The following NR1D2 variants were observed in gnomAD, a reference collection of about 807,000 sequenced individuals.
The protein encoded by NR1D2 is V-erbA-related protein 1-related.
In NR1D2, 25 loss-of-function variants were observed where a neutral mutation model predicts 52.2. The observed-to-expected ratio is 0.48, with a 90% CI of 0.35 to 0.67. The LOEUF is 0.67. Ranked by LOEUF, NR1D2 falls within the 30% of genes least tolerant of loss-of-function variation. The pLI, the probability that NR1D2 is intolerant of heterozygous loss-of-function variation, is 0.01. For synonymous variants in NR1D2, 259 were observed against 230.1 expected, an observed-to-expected ratio of 1.13 and a Z score of -1.14; for missense variants, 681 against 707.2, an observed-to-expected ratio of 0.96 and a Z score of 0.42.
At chr3:23,947,014 T>G (rs1488819448) in intron 1 of NR1D2, among the ~76,000 whole-genome samples, 1 of 152,250 alleles carries the variant, frequency 6.6e-6, no homozygotes, top group Non-Finnish European at 1.5e-5. Flanking sequence ...TTTACGTATT[T>G]TTAGAATTTA....
chr3:23,968,407 A>G (rs1706506214), intron 7 of NR1D2, among the ~76,000 whole-genome samples: 1 of 152,256 alleles, frequency 6.6e-6, no homozygotes, highest in Non-Finnish European at 1.5e-5. Context: ...GAAAACATTA[A>G]AAGTATCAAG....
chr3:23,958,513 T>C (rs936986073), intron 3 of NR1D2, among the ~76,000 whole-genome samples: 17 of 151,942 alleles, frequency 1.1e-4, no homozygotes, highest in African/African-American at 4.1e-4. Context: ...TGGTAGCACA[T>C]GTCTGTAGTC....
At chr3:23,970,408 A>G (rs975703742) in intron 7 of NR1D2, among the ~76,000 whole-genome samples, 1 of 152,184 alleles carries the variant, frequency 6.6e-6, no homozygotes, top group Non-Finnish European at 1.5e-5. Flanking sequence ...GTTTTTGAAA[A>G]AGCCTTTTTT....
intron 2 of NR1D2, 77 bp downstream of exon 2, chr3:23,954,880 T>G (rs4858095): frequency 0.75 from 1,004,283 of 1,345,468 alleles, 376,898 homozygotes; most frequent in South Asian, 0.83. Flanking sequence ...TTCATTTAGG[T>G]GGCCATTATG....
intron 3 of NR1D2, among the ~76,000 whole-genome samples, chr3:23,959,333 A>G (rs1253496664): frequency 6.6e-6 from 1 of 151,938 alleles, no homozygotes; most frequent in Non-Finnish European, 1.5e-5. Context: ...GAATAAAAGT[A>G]TGAGATGGAA....
At position 23,947,137 on chromosome 3, in the gene NR1D2, T is replaced by C. The variant is rs539176616; in HGVS notation, c.16+1543T>C. Among the ~76,000 whole-genome samples, 11 of 152,342 alleles carry C rather than the reference T, an allele frequency of 7.2e-5. 1 individual carries two copies. The highest frequency in any genetic ancestry group is 7.2e-4 in the Admixed American group (11 of 15,298). On this transcript the variant is annotated intron_variant, in intron 1 of 7. Transcript: ENST00000312521. ...TTTTTAAAATTTTATGAGTTTATCATAGAATTAAACTTCTACATGTTAGAA... is the reference window on the plus strand; with the variant it reads ...TTTTTAAAATTTTATGAGTTTATCACAGAATTAAACTTCTACATGTTAGAA...
chr3:23,977,752 A>G lies in NR1D2; in HGVS notation c.*333A>G, dbSNP rs1706772248. On this transcript the variant is annotated 3_prime_UTR_variant, in exon 8 of 8. Transcript: ENST00000312521. ...CCCTGTGGTTATCAATATAACGCAC[A>G]ATCACAAGTGTATGAGGACTTAGAA... 5.8e-6 allele frequency: 1 copy of G among 171,486 alleles called. No individual in the cohort carries two copies. The highest frequency in any genetic ancestry group is 1.2e-5 in the Non-Finnish European group (1 of 80,900). 10.6% of individuals were successfully genotyped at this position (171,486 alleles called of 1,614,324 possible). A position where few individuals can be genotyped will look rare whatever the true frequency, so the allele number is the denominator to read the frequency against.
At chr3:23,953,272 G>A (rs1349891188) in intron 1 of NR1D2, among the ~76,000 whole-genome samples, 10 of 148,636 alleles carry the variant, frequency 6.7e-5, no homozygotes, top group African/African-American at 2.5e-4. Flanking sequence ...GGACCCAGGA[G>A]GTGGAGGTTG....
intron 6 of NR1D2, among the ~76,000 whole-genome samples, chr3:23,967,505 A>G (rs1422913277): frequency 1.3e-5 from 2 of 152,074 alleles, no homozygotes; most frequent in East Asian, 3.9e-4. Context: ...AATCCCAGCT[A>G]CTTGGGAGGC....
At chr3:23,958,013 ATTCTTGAGTT>A (rs941490426) in intron 3 of NR1D2, among the ~76,000 whole-genome samples, 4 of 152,252 alleles carry the variant, frequency 2.6e-5, no homozygotes, top group Admixed American at 2.6e-4. Flanking sequence ...CAGTAATTGC[ATTCTTGAGTT>A]TTCTGTCCTC....
chr3:23,956,609 A>G lies in NR1D2; in HGVS notation c.372+484A>G, dbSNP rs72627102. 3.5e-3 allele frequency among the ~76,000 whole-genome samples: 538 copies of G among 152,382 alleles called. 14 individuals are homozygous for G. The East Asian group carries it at 0.051, about 14-fold the overall frequency. ...ACTTGAAAAAAATGTGGTATCTTAA[A>G]AAATAATGCCAAGTGAGTAAAATAA... On this transcript the variant is annotated intron_variant, in intron 3 of 7. Transcript: ENST00000312521.
intron 7 of NR1D2, among the ~76,000 whole-genome samples, chr3:23,974,088 C>CTTTTTTTTTTTTTTTTTTTTTTTTTTT (rs60587118): frequency 1.3e-5 from 1 of 79,508 alleles, no homozygotes; most frequent in East Asian, 3.9e-4. Context: ...TTACAGTTAC[C>CTTTTTTTTTTTTTTTTTTTTTTTTTTT]TTTTTTTTTT....
intron 7 of NR1D2, among the ~76,000 whole-genome samples, chr3:23,970,319 G>T (rs1706552711): frequency 6.6e-6 from 1 of 152,146 alleles, no homozygotes; most frequent in African/African-American, 2.4e-5. Flanking sequence ...ATGGCAAAGG[G>T]GTAGAGGGAA....
chr3:23,964,944 T>C (rs1470075023), intron 5 of NR1D2, 33 bp from the exon 6 acceptor site: 1 of 1,394,812 alleles, frequency 7.2e-7, no homozygotes, highest in Non-Finnish European at 9.9e-7. Flanking sequence ...CACCTCTTAG[T>C]ATTTAAGAGT....
intron 7 of NR1D2, among the ~76,000 whole-genome samples, chr3:23,974,793 C>T (rs1706680577): frequency 6.6e-6 from 1 of 151,828 alleles, no homozygotes. Flanking sequence ...GTGACCCTCC[C>T]CCTACCCCCA....
chr3:23,946,246 T>C (rs1399045159), intron 1 of NR1D2: 10 of 985,280 alleles, frequency 1.0e-5, no homozygotes, highest in Non-Finnish European at 1.2e-5. Flanking sequence ...GCACGCTCTT[T>C]TCGCGAGGTG....
At chr3:23,949,488 G>T (rs1051360301) in intron 1 of NR1D2, among the ~76,000 whole-genome samples, 3 of 152,134 alleles carry the variant, frequency 2.0e-5, no homozygotes, top group Admixed American at 2.0e-4. Context: ...GGATGTGTTT[G>T]CCCCTATTGA....
intron 7 of NR1D2, among the ~76,000 whole-genome samples, chr3:23,971,770 C>G (rs1185898545): frequency 1.3e-5 from 2 of 151,330 alleles, no homozygotes; most frequent in African/African-American, 4.9e-5. Flanking sequence ...ACAGTTTTTT[C>G]TTTGTACTCT....
chr3:23,951,704 CTGAT>C (rs1705938814), intron 1 of NR1D2, among the ~76,000 whole-genome samples: 1 of 152,188 alleles, frequency 6.6e-6, no homozygotes, highest in African/African-American at 2.4e-5. Flanking sequence ...TTTGAATTCA[CTGAT>C]TGTAGCCATT....
Sources: allele counts gnomAD v4.1 joint callset (sites outside exome capture counted in the v4.1 genomes callset), GRCh38; gene constraint gnomAD v4.1.1; transcripts MANE v1.5; gene names NCBI Gene and HGNC (gene_info 2026-07-23, HGNC 2026-07-21).